Variants in REDIC1 observed in about 807,000 individuals in gnomAD.
The protein encoded by REDIC1 is HEI10 Interacting Protein 1.
chr12:39,707,575 C>G, the REDIC1 span, among the ~76,000 whole-genome samples: 2 of 151,878 alleles, frequency 1.3e-5, no homozygotes, highest in African/African-American at 2.4e-5. Flanking sequence ...TGTTGCAGCA[C>G]TGTTCACAAT....
At chr12:39,654,572 A>G in the REDIC1 span, among the ~76,000 whole-genome samples, 1 of 151,610 alleles carries the variant, frequency 6.6e-6, no homozygotes, top group African/African-American at 2.4e-5. Context: ...TGGGAGACAA[A>G]GTGAGACTCT....
the REDIC1 span, chr12:39,760,151 G>C: frequency 1.2e-6 from 2 of 1,612,960 alleles, no homozygotes; most frequent in Admixed American, 3.3e-5. Flanking sequence ...TTGTCAAAGA[G>C]TGATTCAATT....
the REDIC1 span, chr12:39,764,324 G>T: frequency 1.4e-6 from 1 of 740,246 alleles, no homozygotes; most frequent in Non-Finnish European, 2.0e-6. Flanking sequence ...GCCTTTGGAG[G>T]ACAAGAAAGC....
chr12:39,835,540 T>A, the REDIC1 span: 2 of 152,152 alleles, frequency 1.3e-5, no homozygotes, highest in African/African-American at 4.8e-5. Context: ...GAGTTCTCCT[T>A]ATTGATACAC....
At chr12:39,684,426 A>G in the REDIC1 span, 1 of 275,882 alleles carries the variant, frequency 3.6e-6, no homozygotes, top group Non-Finnish European at 5.5e-6. Flanking sequence ...GGAATTATTA[A>G]AAATATTGAT....
chr12:39,802,684 T>G, the REDIC1 span, among the ~76,000 whole-genome samples: 1 of 152,316 alleles, frequency 6.6e-6, no homozygotes, highest in African/African-American at 2.4e-5. Flanking sequence ...TATATATGTC[T>G]ATGTATACAC....
At chr12:39,724,114 T>G in the REDIC1 span, among the ~76,000 whole-genome samples, 1 of 151,950 alleles carries the variant, frequency 6.6e-6, no homozygotes, top group East Asian at 1.9e-4. Flanking sequence ...AGTACCAGAG[T>G]GTTAATGCTG....
the REDIC1 span, among the ~76,000 whole-genome samples, chr12:39,847,118 C>T: frequency 6.6e-6 from 1 of 152,160 alleles, no homozygotes; most frequent in Non-Finnish European, 1.5e-5. Context: ...TGACTTTAGA[C>T]TTCTAATGAG....
chr12:39,725,135 A>C, the REDIC1 span, among the ~76,000 whole-genome samples: 1 of 152,176 alleles, frequency 6.6e-6, no homozygotes, highest in African/African-American at 2.4e-5. Context: ...AAAAGACTAC[A>C]TTCTTAGAAA....
the REDIC1 span, among the ~76,000 whole-genome samples, chr12:39,805,001 G>A: frequency 6.6e-6 from 1 of 152,218 alleles, no homozygotes; most frequent in Non-Finnish European, 1.5e-5. Context: ...GGAGAAGACT[G>A]CTGGGGAGAG....
chr12:39,668,806 A>G, the REDIC1 span, among the ~76,000 whole-genome samples: 1 of 151,250 alleles, frequency 6.6e-6, no homozygotes, highest in Non-Finnish European at 1.5e-5. Flanking sequence ...CATTCGTTTG[A>G]TCTTCCATCA....
the REDIC1 span, chr12:39,764,371 A>G: frequency 8.4e-7 from 1 of 1,192,870 alleles, no homozygotes; most frequent in Non-Finnish European, 1.1e-6. Context: ...ATATAACCAC[A>G]TAGTCTCAAT....
the REDIC1 span, among the ~76,000 whole-genome samples, chr12:39,843,432 A>C: frequency 6.6e-6 from 1 of 152,098 alleles, no homozygotes; most frequent in African/African-American, 2.4e-5. Flanking sequence ...GGCCTTTTGC[A>C]GAAAGAATAA....
chr12:39,898,098 T>C, the REDIC1 span, among the ~76,000 whole-genome samples: 1 of 152,160 alleles, frequency 6.6e-6, no homozygotes, highest in Non-Finnish European at 1.5e-5. Context: ...GGGAATATAA[T>C]TTTTGTTCTT....
the REDIC1 span, among the ~76,000 whole-genome samples, chr12:39,896,953 G>A: frequency 6.6e-6 from 1 of 152,006 alleles, no homozygotes; most frequent in African/African-American, 2.4e-5. Flanking sequence ...TAATAATATG[G>A]CTTCACTTCT....
At chr12:39,871,691 C>A in the REDIC1 span, 1 of 1,130,142 alleles carries the variant, frequency 8.8e-7, no homozygotes, top group Non-Finnish European at 1.2e-6. Flanking sequence ...TGTTGTTTGG[C>A]TGAGAAACCA....
the REDIC1 span, among the ~76,000 whole-genome samples, chr12:39,694,271 T>G: frequency 6.6e-6 from 1 of 152,138 alleles, no homozygotes; most frequent in East Asian, 1.9e-4. Flanking sequence ...AAAAACACCT[T>G]CCTAAGAACT....
the REDIC1 span, among the ~76,000 whole-genome samples, chr12:39,896,522 A>ATGTG: frequency 2.2e-5 from 3 of 136,762 alleles, no homozygotes; most frequent in Admixed American, 8.6e-5. Context: ...GTGTGTATAC[A>ATGTG]TGTATACATG....
chr12:39,737,018 A>G, the REDIC1 span: 1 of 152,200 alleles, frequency 6.6e-6, no homozygotes, highest in Non-Finnish European at 1.5e-5. Context: ...AGATAATTGG[A>G]ACAGAGGACC....
Sources: gnomAD v4.1 joint callset for allele counts (sites outside exome capture counted in the v4.1 genomes callset) on GRCh38, gnomAD v4.1.1 for gene constraint, MANE v1.5 for transcripts, NCBI Gene and HGNC (gene_info 2026-07-23, HGNC 2026-07-21) for gene names.